The following PRPF18 variants were observed in gnomAD, a reference collection of about 807,000 sequenced individuals.
PRPF18 encodes the protein pre-mRNA-splicing factor 18.
Under a neutral mutation model 46.5 loss-of-function variants are expected in PRPF18, and 38 were observed. The observed-to-expected ratio is 0.82, with a 90% CI of 0.63 to 1.07. The LOEUF (loss-of-function observed/expected upper bound fraction) is 1.07, where lower values mean the gene tolerates loss of function less well. Ranked by LOEUF, PRPF18 falls within the 50% of genes least tolerant of loss-of-function variation. The pLI, the probability that PRPF18 is intolerant of heterozygous loss-of-function variation, is 0.00. For synonymous variants in PRPF18, 152 were observed against 146.7 expected, an observed-to-expected ratio of 1.04 and a Z score of -0.26; for missense variants, 263 against 410.0, an observed-to-expected ratio of 0.64 and a Z score of 3.10.
chr10:13,622,342 C>T (rs1398919599), intron 9 of PRPF18, among the ~76,000 whole-genome samples: 1 of 152,210 alleles, frequency 6.6e-6, no homozygotes, highest in Non-Finnish European at 1.5e-5. Flanking sequence ...GAATGCTGAT[C>T]TAAACTGGGC....
chr10:13,628,596 G>A (rs1377451801), intron 9 of PRPF18, among the ~76,000 whole-genome samples: 8 of 151,488 alleles, frequency 5.3e-5, no homozygotes, highest in Non-Finnish European at 1.2e-4. Flanking sequence ...TTTTAACCAG[G>A]GTTGGTTGAA....
intron 9 of PRPF18, among the ~76,000 whole-genome samples, chr10:13,619,546 C>G (rs1029356799): frequency 3.3e-5 from 5 of 152,154 alleles, no homozygotes; most frequent in African/African-American, 1.2e-4. Context: ...ATTGCTTAAA[C>G]CTCAAGTTTC....
chr10:13,604,931 C>T (rs1364750431), intron 3 of PRPF18, among the ~76,000 whole-genome samples: 2 of 152,192 alleles, frequency 1.3e-5, no homozygotes, highest in African/African-American at 2.4e-5. Context: ...ACAGACATGC[C>T]CCTTTTCTTA....
At chr10:13,612,996 G>T (rs1303123413) in intron 6 of PRPF18, among the ~76,000 whole-genome samples, 1 of 152,194 alleles carries the variant, frequency 6.6e-6, no homozygotes, top group Non-Finnish European at 1.5e-5. Flanking sequence ...TTTCTTGTGT[G>T]TACAGTTTAG....
At chr10:13,641,562 A>T in the PRPF18 span, 1 of 152,274 alleles carries the variant, frequency 6.6e-6, no homozygotes, top group African/African-American at 2.4e-5. Flanking sequence ...CTAAGGACTG[A>T]GCCCGGGGAC....
intron 6 of PRPF18, among the ~76,000 whole-genome samples, chr10:13,612,364 C>G (rs1418499224): frequency 2.0e-5 from 3 of 152,130 alleles, no homozygotes; most frequent in Non-Finnish European, 4.4e-5. Context: ...CCACTGCTTC[C>G]TGGATTCAAG....
downstream of PRPF18, among the ~76,000 whole-genome samples, chr10:13,635,182 A>G (rs1233410343): frequency 1.3e-5 from 2 of 152,268 alleles, no homozygotes; most frequent in Middle Eastern, 3.4e-3. Flanking sequence ...TGATAAGGAT[A>G]ATGGCCTCCA....
chr10:13,623,649 ATATAT>A (rs2080452690), intron 9 of PRPF18, among the ~76,000 whole-genome samples: 3 of 151,914 alleles, frequency 2.0e-5, no homozygotes, highest in African/African-American at 7.3e-5. Flanking sequence ...AGTTCTAATG[ATATAT>A]TAAAGAGGCA....
At chr10:13,593,606 A>G (rs768425924) in intron 1 of PRPF18, among the ~76,000 whole-genome samples, 1 of 152,202 alleles carries the variant, frequency 6.6e-6, no homozygotes, top group Admixed American at 6.5e-5. Context: ...GCCAGTAGAG[A>G]GGGGAAGGAT....
At chr10:13,593,089 C>A (rs2079987905) in intron 1 of PRPF18, among the ~76,000 whole-genome samples, 1 of 152,162 alleles carries the variant, frequency 6.6e-6, no homozygotes. Context: ...CAACCCCTAC[C>A]CCACATTATA....
intron 4 of PRPF18, among the ~76,000 whole-genome samples, chr10:13,606,603 C>T (rs1418242905): frequency 2.0e-5 from 3 of 151,948 alleles, no homozygotes; most frequent in East Asian, 1.9e-4. Flanking sequence ...GGCGTAGTGG[C>T]GTGTGCCTGT....
intron 9 of PRPF18, among the ~76,000 whole-genome samples, chr10:13,622,448 A>G (rs1427973365): frequency 6.6e-6 from 1 of 152,156 alleles, no homozygotes; most frequent in Non-Finnish European, 1.5e-5. Context: ...GTTGGAAAAA[A>G]AGCCAGACCA....
chr10:13,647,492 TGTCCTCCGTG>T, the PRPF18 span: 2 of 151,844 alleles, frequency 1.3e-5, no homozygotes, highest in South Asian at 4.2e-4. Context: ...CTGCCCGGGT[TGTCCTCCGTG>T]AGACCCCAGG....
At chr10:13,604,169 A>C (rs2080152814) in intron 3 of PRPF18, among the ~76,000 whole-genome samples, 3 of 152,174 alleles carry the variant, frequency 2.0e-5, no homozygotes, top group African/African-American at 7.2e-5. Context: ...ATAGCACTAG[A>C]TGACCTCTTA....
chr10:13,635,929 A>G, the PRPF18 span, among the ~76,000 whole-genome samples: 1 of 152,212 alleles, frequency 6.6e-6, no homozygotes, highest in Non-Finnish European at 1.5e-5. Flanking sequence ...TCAAAATGCT[A>G]AATACTTCTG....
At position 13,610,198 on chromosome 10, in the gene PRPF18, C is replaced by T; in HGVS notation, c.510+13C>T. ...TGAAGAGTTAGAGGTAATCTCTACA[C>T]CAAGCCCAGCACATCCCTGGCACCC... On this transcript the variant is annotated intron_variant, in intron 5 of 9. Transcript: ENST00000378572. 1 of 1,610,540 alleles carries T rather than the reference C, an allele frequency of 6.2e-7. No homozygotes were observed. The highest frequency in any genetic ancestry group is 1.3e-5 in the African/African-American group (1 of 74,956).
At chr10:13,600,764 C>T (rs2080094154) in intron 3 of PRPF18, among the ~76,000 whole-genome samples, 2 of 151,810 alleles carry the variant, frequency 1.3e-5, no homozygotes, top group Admixed American at 1.3e-4. Context: ...TTGTTTGCTC[C>T]ATAATGTTTC....
chr10:13,635,129 C>A (rs144590220), downstream of PRPF18, among the ~76,000 whole-genome samples: 703 of 152,290 alleles, frequency 4.6e-3, 3 homozygotes, highest in Middle Eastern at 0.017. Flanking sequence ...CTCCTACTTA[C>A]AAGTGAGAAC....
At chr10:13,609,458 C>T (rs1473125119) in intron 4 of PRPF18, among the ~76,000 whole-genome samples, 1 of 152,192 alleles carries the variant, frequency 6.6e-6, no homozygotes, top group Non-Finnish European at 1.5e-5. Context: ...GTTTCCTTGG[C>T]TCTTAAACCT....
Sources: allele counts gnomAD v4.1 joint callset (sites outside exome capture counted in the v4.1 genomes callset), GRCh38; gene constraint gnomAD v4.1.1; transcripts MANE v1.5; gene names NCBI Gene and HGNC (gene_info 2026-07-23, HGNC 2026-07-21).